WDPCP: variants seen among roughly 807,000 people sequenced by gnomAD.
The protein encoded by WDPCP is WD repeat containing planar cell polarity effector.
In WDPCP, 71 loss-of-function variants were observed where a neutral mutation model predicts 93.1. That is an observed-to-expected ratio of 0.76 (90% CI 0.63 to 0.93). WDPCP has a LOEUF of 0.93. Among genes scored for constraint, WDPCP ranks in the 40% least tolerant of loss-of-function variants. The pLI, the probability that WDPCP is intolerant of heterozygous loss-of-function variation, is 0.00. For synonymous variants in WDPCP, 315 were observed against 315.0 expected (o/e 1.00, Z 0.00); for missense variants, 844 against 887.4 (o/e 0.95, Z 0.62).
intron 12 of WDPCP, among the ~76,000 whole-genome samples, chr2:63,332,112 A>G (rs1033248928): frequency 2.7e-5 from 4 of 150,672 alleles, no homozygotes; most frequent in African/African-American, 9.7e-5. Flanking sequence ...GTGTGTATAT[A>G]TATGTATATA....
At chr2:63,735,617 C>T (rs1309219959) in intron 2 of WDPCP, among the ~76,000 whole-genome samples, 1 of 151,810 alleles carries the variant, frequency 6.6e-6, no homozygotes, top group Non-Finnish European at 1.5e-5. Context: ...ACTTGTAATC[C>T]AAGTATAAAA....
chr2:63,526,621 A>T (rs1575583166), intron 1 of WDPCP, among the ~76,000 whole-genome samples: 2 of 152,210 alleles, frequency 1.3e-5, no homozygotes, highest in Admixed American at 1.3e-4. Context: ...TATCAAGCTC[A>T]TTCCTGCTTC....
chr2:63,202,946 C>A (rs1418261561), intron 14 of WDPCP, among the ~76,000 whole-genome samples: 1 of 152,050 alleles, frequency 6.6e-6, no homozygotes, highest in Non-Finnish European at 1.5e-5. Flanking sequence ...GTGAGTTCAG[C>A]CCATTTACAT....
intron 17 of WDPCP, among the ~76,000 whole-genome samples, chr2:63,142,261 G>A (rs138345157): frequency 2.6e-5 from 4 of 152,256 alleles, no homozygotes; most frequent in East Asian, 1.9e-4. Context: ...TCTTTTTGAT[G>A]TAGGTGCTTA....
At chr2:63,332,276 G>T (rs1276074489) in intron 12 of WDPCP, among the ~76,000 whole-genome samples, 1 of 151,938 alleles carries the variant, frequency 6.6e-6, no homozygotes, top group East Asian at 1.9e-4. Flanking sequence ...GAATTATTGG[G>T]TAATATGGTA....
intron 13 of WDPCP, among the ~76,000 whole-genome samples, chr2:63,293,653 G>A (rs560401656): frequency 3.7e-4 from 57 of 152,070 alleles, no homozygotes; most frequent in African/African-American, 1.4e-3. Context: ...AATTATGAAT[G>A]AACAAAATGA....
At chr2:63,666,812 A>G (rs1289808328) in intron 2 of WDPCP, among the ~76,000 whole-genome samples, 1 of 152,152 alleles carries the variant, frequency 6.6e-6, no homozygotes, top group African/African-American at 2.4e-5. Context: ...CAATATGTCC[A>G]CACCACACTC....
At chr2:63,331,242 C>A (rs1169585212) in intron 12 of WDPCP, among the ~76,000 whole-genome samples, 1 of 152,138 alleles carries the variant, frequency 6.6e-6, no homozygotes, top group Non-Finnish European at 1.5e-5. Flanking sequence ...CTTGGCCCAT[C>A]CCCTTTTTCC....
chr2:63,200,908 TAGGAAGGC>T (rs1398715333), intron 14 of WDPCP, among the ~76,000 whole-genome samples: 2 of 151,952 alleles, frequency 1.3e-5, no homozygotes, highest in Non-Finnish European at 2.9e-5. Context: ...GGGGGACTGT[TAGGAAGGC>T]ATGATTGTGT....
chr2:63,718,220 G>C (rs190911419), intron 2 of WDPCP, among the ~76,000 whole-genome samples: 250 of 152,134 alleles, frequency 1.6e-3, no homozygotes, highest in African/African-American at 5.5e-3. Flanking sequence ...ATAAACATAA[G>C]GGTGCAAATA....
intron 12 of WDPCP, among the ~76,000 whole-genome samples, chr2:63,322,453 A>G (rs1687185911): frequency 6.6e-6 from 1 of 152,120 alleles, no homozygotes; most frequent in Non-Finnish European, 1.5e-5. Context: ...TATGAGCTGT[A>G]ACACTCACCG....
At chr2:63,222,053 G>A (rs976158035) in intron 14 of WDPCP, among the ~76,000 whole-genome samples, 8 of 152,142 alleles carry the variant, frequency 5.3e-5, no homozygotes, top group Non-Finnish European at 8.8e-5. Context: ...TACAATTTTA[G>A]GGATTGGTCC....
chr2:63,178,714 G>C (rs1343120634), intron 14 of WDPCP, among the ~76,000 whole-genome samples: 2 of 151,296 alleles, frequency 1.3e-5, no homozygotes, highest in Non-Finnish European at 2.9e-5. Context: ...ATTGATCTTT[G>C]CTCTAAACTT....
intron 14 of WDPCP, among the ~76,000 whole-genome samples, chr2:63,217,943 A>G (rs1677487945): frequency 6.6e-6 from 1 of 152,198 alleles, no homozygotes; most frequent in South Asian, 2.1e-4. Flanking sequence ...AGGCTATTTA[A>G]GGTTGTCCCC....
intron 13 of WDPCP, among the ~76,000 whole-genome samples, chr2:63,261,580 T>A (rs1044769919): frequency 6.6e-6 from 1 of 152,176 alleles, no homozygotes; most frequent in Non-Finnish European, 1.5e-5. Context: ...ATTTTGATGA[T>A]AGGAAACACC....
intron 13 of WDPCP, among the ~76,000 whole-genome samples, chr2:63,300,820 C>T (rs1366914818): frequency 6.6e-6 from 1 of 152,226 alleles, no homozygotes; most frequent in African/African-American, 2.4e-5. Flanking sequence ...GAGCACATGT[C>T]ATTTCCAGGT....
intron 3 of WDPCP, chr2:63,643,758 TC>T: frequency 1.9e-6 from 1 of 530,530 alleles, no homozygotes. Flanking sequence ...GGACATTCTC[TC>T]CAGTCTTGTC....
At chr2:63,512,501 T>C (rs1246278045) in intron 1 of WDPCP, among the ~76,000 whole-genome samples, 3 of 152,152 alleles carry the variant, frequency 2.0e-5, no homozygotes, top group Non-Finnish European at 1.5e-5. Flanking sequence ...CAAATGCCCA[T>C]CAATGTTAGA....
chr2:63,578,296 C>T (rs1708251078), intron 1 of WDPCP, among the ~76,000 whole-genome samples: 1 of 151,886 alleles, frequency 6.6e-6, no homozygotes, highest in South Asian at 2.1e-4. Flanking sequence ...ATTAGTATCC[C>T]GAAAATAACT....
Sources: allele counts gnomAD v4.1 joint callset (sites outside exome capture counted in the v4.1 genomes callset), GRCh38; gene constraint gnomAD v4.1.1; transcripts MANE v1.5; gene names NCBI Gene and HGNC (gene_info 2026-07-23, HGNC 2026-07-21).